Variants in TTC39C observed in about 807,000 individuals in gnomAD.
TTC39C encodes the protein tetratricopeptide repeat domain 39C.
TTC39C carries 33 observed loss-of-function variants against 76.3 expected under a neutral mutation model. The ratio of observed to expected loss-of-function variants is 0.43; its 90% CI spans 0.33 to 0.58. The LOEUF (loss-of-function observed/expected upper bound fraction) is 0.58, where lower values mean the gene tolerates loss of function less well. Ranked by LOEUF, TTC39C falls within the 20% of genes least tolerant of loss-of-function variation. The probability of loss-of-function intolerance (pLI) is 0.04; values close to 1 mark genes in which losing one functional copy is unlikely to be tolerated. For synonymous variants in TTC39C, 254 were observed against 260.6 expected, an observed-to-expected ratio of 0.97 and a Z score of 0.24; for missense variants, 595 against 701.4, an observed-to-expected ratio of 0.85 and a Z score of 1.71.
In TTC39C at chr18:24,122,122, A is replaced by G. The variant is rs543439073; in HGVS notation, c.1187-1712A>G. Among the ~76,000 whole-genome samples, 6 of 152,138 alleles carry G rather than the reference A, an allele frequency of 3.9e-5. No homozygotes were observed. In the South Asian group the frequency reaches 1.2e-3, roughly 32 times the overall value. On this transcript the variant is annotated intron_variant, in intron 8 of 13. Transcript: ENST00000317571. Reference sequence around the variant, plus strand: ...ATTCTTGGACCCTTGGGCTCTGCCGATGGTAGCCTATCCTGGTACGTGCAC... The same window carrying G: ...ATTCTTGGACCCTTGGGCTCTGCCGGTGGTAGCCTATCCTGGTACGTGCAC...
Position 24,047,628 on chromosome 18 carries a change from T to G in TTC39C, c.168-16512T>G, listed in dbSNP as rs570812759. ...CTTCCTCCCTCCCTTTATTTCTTTT[T>G]GGTAGCAGGAAAGCAGATGACATAC... On this transcript the variant is annotated intron_variant, in intron 1 of 13. Coordinates refer to ENST00000317571, the MANE Select transcript of TTC39C (RefSeq NM_001135993.2). 1.2e-4 allele frequency among the ~76,000 whole-genome samples: 19 copies of G among 152,300 alleles called. No individual in the cohort carries two copies. In the South Asian group the frequency reaches 3.7e-3, roughly 30 times the overall value.
intron 6 of TTC39C, among the ~76,000 whole-genome samples, chr18:24,092,107 A>AT (rs2084527556): frequency 7.5e-6 from 1 of 133,132 alleles, no homozygotes; most frequent in Admixed American, 8.7e-5. Flanking sequence ...AAAAAAAAAA[A>AT]AAAAAAAAAA....
chr18:24,081,986 T>TGG (rs1309253694), intron 5 of TTC39C, among the ~76,000 whole-genome samples: 1 of 151,818 alleles, frequency 6.6e-6, no homozygotes, highest in Non-Finnish European at 1.5e-5. Flanking sequence ...ATATTTGACA[T>TGG]GTTGGTTAAA....
intron 11 of TTC39C, 140 bp downstream of exon 11, chr18:24,129,123 C>A (rs2085089585): frequency 1.8e-6 from 1 of 565,756 alleles, no homozygotes; most frequent in Non-Finnish European, 3.0e-6. Context: ...TGATTAATGC[C>A]ATCTTCTCAG....
rs201670543 is a variant in TTC39C at position 24,023,933 on chromosome 18, C to CAT, written c.167+8906_167+8907dup. Among the ~76,000 whole-genome samples, 103 of 55,280 alleles carry CAT rather than the reference C, an allele frequency of 1.9e-3. 1 individual carries two copies. The highest frequency in any genetic ancestry group is 6.4e-3 in the African/African-American group (96 of 15,040). The allele number at this position is 55,280 out of a possible 152,430, so 36.3% of individuals were successfully genotyped here. The stretch of plus-strand genomic sequence containing the variant: ...TCAATAGAATGCCCAAATAAAATTA[C>CAT]ATATATATATATGCATGTATATATA... On this transcript the variant is annotated intron_variant, in intron 1 of 13. Transcript: ENST00000317571.
intron 4 of TTC39C, among the ~76,000 whole-genome samples, chr18:24,079,892 C>G (rs534428048): frequency 8.6e-5 from 13 of 151,086 alleles, no homozygotes; most frequent in African/African-American, 3.2e-4. Flanking sequence ...GCCTTGACCT[C>G]TCAGGCTCAG....
intron 11 of TTC39C, 121 bp downstream of exon 11, chr18:24,129,104 C>A: frequency 1.6e-6 from 1 of 622,972 alleles, no homozygotes; most frequent in Non-Finnish European, 2.6e-6. Flanking sequence ...TAAACTTTAT[C>A]CAATTATTTG....
At chr18:24,071,561 T>A (rs1239937717) in intron 4 of TTC39C, among the ~76,000 whole-genome samples, 2 of 152,344 alleles carry the variant, frequency 1.3e-5, no homozygotes, top group Middle Eastern at 3.4e-3. Context: ...TAAAGTATTT[T>A]GTATCTTGTT....
In TTC39C at chr18:24,015,099, G is replaced by C; in HGVS notation, c.167+61G>C. 3 of 1,344,814 alleles carry C rather than the reference G, an allele frequency of 2.2e-6. No individual in the cohort carries two copies. The East Asian group carries it at 9.3e-5, about 42-fold the overall frequency. 83.3% of individuals were successfully genotyped at this position (1,344,814 alleles called of 1,614,324 possible). On this transcript the variant is annotated intron_variant, in intron 1 of 13. Coordinates refer to ENST00000317571, the MANE Select transcript of TTC39C (RefSeq NM_001135993.2). ...CGCGCACCTCGTGTCCGGCTCACGC[G>C]CCTCGACCTGCGGCCCCCGGGAGCC...
At chr18:23,997,525 C>A (rs1451522010) in intron 1 of TTC39C, among the ~76,000 whole-genome samples, 7 of 130,718 alleles carry the variant, frequency 5.4e-5, no homozygotes, top group Non-Finnish European at 9.3e-5. Context: ...GTACTCCAGC[C>A]TGGGCAATAG....
In TTC39C at chr18:24,135,130, G is replaced by A. The variant is rs1004586604; in HGVS notation, c.*2556G>A. 6 of 152,048 alleles carry A rather than the reference G, an allele frequency of 3.9e-5. No homozygotes were observed. Among genetic ancestry groups the A allele is most frequent in the Non-Finnish European group, 8.8e-5 (6 of 68,050 alleles). 9.4% of individuals were successfully genotyped at this position (152,048 alleles called of 1,614,324 possible). ...CGATTCTTCTGCCTGAGCCTCCCAA[G>A]TAGCTGGGATTACAAGTTCCTGCCA... On this transcript the variant is annotated 3_prime_UTR_variant, in exon 14 of 14. Coordinates refer to ENST00000317571, the MANE Select transcript of TTC39C (RefSeq NM_001135993.2).
chr18:24,098,319 C>T (rs1415785036), intron 6 of TTC39C, among the ~76,000 whole-genome samples: 1 of 151,526 alleles, frequency 6.6e-6, no homozygotes, highest in African/African-American at 2.4e-5. Context: ...TGAAAGTGTA[C>T]ATAGTTATTT....
intron 1 of TTC39C, among the ~76,000 whole-genome samples, chr18:23,999,899 C>A (rs1006609306): frequency 7.9e-5 from 12 of 152,320 alleles, no homozygotes; most frequent in Admixed American, 6.5e-4. Context: ...TACTTGCAAG[C>A]CACAAAAACT....
At chr18:24,016,011 TTTGG>T (rs2083450854) in intron 1 of TTC39C, among the ~76,000 whole-genome samples, 2 of 152,256 alleles carry the variant, frequency 1.3e-5, no homozygotes, top group Non-Finnish European at 2.9e-5. Context: ...GACCCTGTAG[TTTGG>T]TTGGAATGAG....
chr18:24,077,609 C>T (rs1230327471), intron 4 of TTC39C, among the ~76,000 whole-genome samples: 2 of 152,016 alleles, frequency 1.3e-5, no homozygotes, highest in African/African-American at 4.8e-5. Flanking sequence ...AGTTCTTTGG[C>T]GTTCCTCAGG....
At position 24,130,413 on chromosome 18, in the gene TTC39C, C is replaced by T. The variant is rs200139722; in HGVS notation, c.1619C>T (p.Pro540Leu). ...CTTGGCTGTCTTCTATTAGACAAAC[C>T]AGAGGTAAGATCTTATATATATAAT... ...YELGCLLLDK[P>L]ETVGRGRALL... Residue 540 changes from proline to leucine, a missense_variant, in exon 12 of 14, where the codon CCA becomes CTA. Transcript: ENST00000317571. 24 of 1,446,062 alleles carry T rather than the reference C, an allele frequency of 1.7e-5. No individual in the cohort carries two copies. Among genetic ancestry groups the T allele is most frequent in the Non-Finnish European group, 2.2e-5 (23 of 1,066,108 alleles). 89.6% of individuals were successfully genotyped at this position (1,446,062 alleles called of 1,614,324 possible). A position where few individuals can be genotyped will look rare whatever the true frequency, so the allele number is the denominator to read the frequency against.
At chr18:24,072,188 T>G (rs1225401349) in intron 4 of TTC39C, among the ~76,000 whole-genome samples, 2 of 148,794 alleles carry the variant, frequency 1.3e-5, no homozygotes, top group Non-Finnish European at 3.0e-5. Context: ...TTGTTATGGG[T>G]GGCCCTCCCC....
intron 4 of TTC39C, among the ~76,000 whole-genome samples, chr18:24,076,532 C>T (rs776196196): frequency 1.3e-5 from 2 of 151,990 alleles, no homozygotes; most frequent in Non-Finnish European, 2.9e-5. Context: ...CATTCTCCCC[C>T]AGCCTCTGCC....
intron 1 of TTC39C, among the ~76,000 whole-genome samples, chr18:23,995,880 GA>G (rs2083257194): frequency 6.6e-6 from 1 of 152,174 alleles, no homozygotes; most frequent in Non-Finnish European, 1.5e-5. Flanking sequence ...AAAAATTTAT[GA>G]AAAGTTTTTG....
Sources: allele counts gnomAD v4.1 joint callset (sites outside exome capture counted in the v4.1 genomes callset), GRCh38; gene constraint gnomAD v4.1.1; transcripts MANE v1.5; gene names NCBI Gene and HGNC (gene_info 2026-07-23, HGNC 2026-07-21).